UBE2D2: variants seen among roughly 807,000 people sequenced by gnomAD.
UBE2D2 encodes ubiquitin conjugating enzyme E2 D2, also known as ubiquitin-conjugating enzyme E2 D2.
UBE2D2 carries 2 observed loss-of-function variants against 24.2 expected under a neutral mutation model. That is an observed-to-expected ratio of 0.08 (90% CI 0.03 to 0.26). The LOEUF is 0.26. UBE2D2 is among the 10% of genes least tolerant of loss of function. UBE2D2 has a pLI of 1.00. For missense variants in UBE2D2, 44 were observed against 177.6 expected (o/e 0.25, Z 4.28); for synonymous variants, 58 against 56.5 (o/e 1.03, Z -0.12).
At chr5:139,550,586 T>C (rs1752900913) in intron 1 of UBE2D2, among the ~76,000 whole-genome samples, 1 of 152,116 alleles carries the variant, frequency 6.6e-6, no homozygotes, top group Non-Finnish European at 1.5e-5. Flanking sequence ...GAGTTTTGTT[T>C]TTTTGATCTT....
chr5:139,610,556 T>A (rs1044213096), intron 2 of UBE2D2, among the ~76,000 whole-genome samples: 1 of 149,034 alleles, frequency 6.7e-6, no homozygotes, highest in Non-Finnish European at 1.5e-5. Context: ...AAAATATATT[T>A]TTTTTTTTGC....
chr5:139,587,348 A>C (rs1284460804), intron 1 of UBE2D2, among the ~76,000 whole-genome samples: 2 of 152,100 alleles, frequency 1.3e-5, no homozygotes, highest in South Asian at 4.1e-4. Flanking sequence ...AGCAGCAAAC[A>C]GTAGTGGTGG....
rs1754665161 is a variant in UBE2D2, at chr5:139,627,902, C to T, written c.*1101C>T. 6.6e-6 allele frequency: 1 copy of T among 152,648 alleles called. No homozygotes were observed. Among genetic ancestry groups the T allele is most frequent in the South Asian group, 2.1e-4 (1 of 4,830 alleles). The allele number at this position is 152,648 out of a possible 1,614,324, so 9.5% of individuals were successfully genotyped here. Reference sequence around the variant, plus strand: ...TTAAGAGCATTTCCATGAAACAACACATGCAGCATTCCAGGAACTTGATTG... The same window carrying T: ...TTAAGAGCATTTCCATGAAACAACATATGCAGCATTCCAGGAACTTGATTG... On this transcript the variant is annotated 3_prime_UTR_variant, in exon 7 of 7. Coordinates refer to ENST00000398733, the MANE Select transcript of UBE2D2 (RefSeq NM_003339.3).
intron 1 of UBE2D2, among the ~76,000 whole-genome samples, chr5:139,590,417 AG>A (rs1228384220): frequency 6.6e-6 from 1 of 151,140 alleles, no homozygotes; most frequent in Non-Finnish European, 1.5e-5. Context: ...CCTGGGCAAT[AG>A]AGCAAGACTC....
intron 1 of UBE2D2, among the ~76,000 whole-genome samples, chr5:139,536,558 G>A (rs1752684259): frequency 6.6e-6 from 1 of 151,976 alleles, no homozygotes; most frequent in Non-Finnish European, 1.5e-5. Context: ...GAGACGCCCT[G>A]TTGTCCCGGA....
chr5:139,586,795 T>G (rs930810394), intron 1 of UBE2D2, among the ~76,000 whole-genome samples: 1 of 152,196 alleles, frequency 6.6e-6, no homozygotes, highest in African/African-American at 2.4e-5. Context: ...TTAAAATGTC[T>G]ATAGTTTTTT....
At chr5:139,574,016 TAA>T (rs1163981316) in intron 1 of UBE2D2, among the ~76,000 whole-genome samples, 1 of 151,408 alleles carries the variant, frequency 6.6e-6, no homozygotes, top group African/African-American at 2.4e-5. Flanking sequence ...CTCCTAGATA[TAA>T]GTCAATTGGG....
At chr5:139,528,980 A>C (rs956502191) in intron 1 of UBE2D2, among the ~76,000 whole-genome samples, 5 of 152,226 alleles carry the variant, frequency 3.3e-5, no homozygotes, top group African/African-American at 1.2e-4. Context: ...TGGCCGAAGC[A>C]TGAGGAAACT....
chr5:139,615,093 G>T, intron 5 of UBE2D2, 127 bp downstream of exon 5: 1 of 967,314 alleles, frequency 1.0e-6, no homozygotes, highest in South Asian at 1.7e-5. Flanking sequence ...AATCTGAAAT[G>T]GACCTTGAGA....
intron 1 of UBE2D2, among the ~76,000 whole-genome samples, chr5:139,584,945 G>C (rs1753695048): frequency 6.7e-6 from 1 of 149,500 alleles, no homozygotes; most frequent in Non-Finnish European, 1.5e-5. Flanking sequence ...TTGTTGCCCA[G>C]GCTGGAGTGC....
intron 1 of UBE2D2, among the ~76,000 whole-genome samples, chr5:139,583,323 T>G (rs1753647205): frequency 6.6e-6 from 1 of 152,210 alleles, no homozygotes; most frequent in African/African-American, 2.4e-5. Context: ...TTTTAAGTGT[T>G]TTCACTACCA....
At chr5:139,545,411 T>A (rs991559487) in intron 1 of UBE2D2, among the ~76,000 whole-genome samples, 1 of 134,292 alleles carries the variant, frequency 7.4e-6, no homozygotes, top group Non-Finnish European at 1.5e-5. Context: ...GTTACCAGAT[T>A]TTAAATTTTC....
intron 1 of UBE2D2, among the ~76,000 whole-genome samples, chr5:139,594,769 C>T (rs1753924439): frequency 6.6e-6 from 1 of 152,078 alleles, no homozygotes; most frequent in Admixed American, 6.6e-5. Context: ...GTTCCTTACC[C>T]CATCACTTTT....
intron 2 of UBE2D2, among the ~76,000 whole-genome samples, chr5:139,601,506 G>T (rs887135889): frequency 6.6e-6 from 1 of 152,190 alleles, no homozygotes; most frequent in African/African-American, 2.4e-5. Flanking sequence ...TACTTGGAAG[G>T]CTAAGGTGGG....
At chr5:139,589,864 A>C (rs1251533459) in intron 1 of UBE2D2, among the ~76,000 whole-genome samples, 6 of 151,978 alleles carry the variant, frequency 3.9e-5, no homozygotes, top group Non-Finnish European at 7.4e-5. Flanking sequence ...GGCTCACTGC[A>C]AACTCCGCCT....
chr5:139,547,726 G>A (rs939725315), intron 1 of UBE2D2, among the ~76,000 whole-genome samples: 5 of 150,892 alleles, frequency 3.3e-5, no homozygotes, highest in Non-Finnish European at 7.4e-5. Context: ...ACGGAGTCTC[G>A]CTCTGTTGCC....
chr5:139,536,314 G>T (rs1752681628), intron 1 of UBE2D2, among the ~76,000 whole-genome samples: 2 of 151,608 alleles, frequency 1.3e-5, no homozygotes, highest in Non-Finnish European at 2.9e-5. Flanking sequence ...GGTCAGGCTG[G>T]TCTCGAACTC....
chr5:139,580,334 A>T (rs956758226), intron 1 of UBE2D2, among the ~76,000 whole-genome samples: 2 of 152,024 alleles, frequency 1.3e-5, no homozygotes, highest in East Asian at 3.9e-4. Context: ...CAAAGTGCTG[A>T]GATTACAGTC....
At chr5:139,603,014 T>C (rs1243006536) in intron 2 of UBE2D2, among the ~76,000 whole-genome samples, 1 of 152,104 alleles carries the variant, frequency 6.6e-6, no homozygotes, top group Non-Finnish European at 1.5e-5. Context: ...TTTTAAATTG[T>C]TTTAGAAAAA....
Sources: gnomAD v4.1 joint callset for allele counts (sites outside exome capture counted in the v4.1 genomes callset) on GRCh38, gnomAD v4.1.1 for gene constraint, MANE v1.5 for transcripts, NCBI Gene and HGNC (gene_info 2026-07-23, HGNC 2026-07-21) for gene names.